KIF3C: variants seen among roughly 807,000 people sequenced by gnomAD.
KIF3C encodes kinesin-like protein KIF3C.
In KIF3C, 12 loss-of-function variants were observed where a neutral mutation model predicts 67.7. The observed-to-expected ratio is 0.18, with a 90% CI of 0.11 to 0.29. The LOEUF is 0.29. Ranked by LOEUF, KIF3C falls within the 10% of genes least tolerant of loss-of-function variation. The pLI, the probability that KIF3C is intolerant of heterozygous loss-of-function variation, is 1.00. For synonymous variants in KIF3C, 393 were observed against 426.2 expected (o/e 0.92, Z 0.96); for missense variants, 789 against 1,059.6 (o/e 0.74, Z 3.55).
intron 1 of KIF3C, among the ~76,000 whole-genome samples, chr2:25,968,143 G>T (rs1574494968): frequency 6.6e-6 from 1 of 152,162 alleles, no homozygotes; most frequent in African/African-American, 2.4e-5. Flanking sequence ...GAGACAATGG[G>T]GAGGGGATGA....
intron 5 of KIF3C, among the ~76,000 whole-genome samples, chr2:25,945,314 T>C (rs1242038750): frequency 6.6e-6 from 1 of 152,074 alleles, no homozygotes; most frequent in Non-Finnish European, 1.5e-5. Flanking sequence ...CTATAAAAGC[T>C]GCTCTACTTT....
intron 1 of KIF3C, among the ~76,000 whole-genome samples, chr2:25,962,175 T>A (rs1167153060): frequency 6.6e-6 from 1 of 152,202 alleles, no homozygotes; most frequent in African/African-American, 2.4e-5. Flanking sequence ...TTACGAAATT[T>A]GTTACTTCAA....
rs1003788477 is a variant in KIF3C at position 25,942,787 on chromosome 2, A to G, written c.2006+9002T>C. 3.9e-5 allele frequency among the ~76,000 whole-genome samples: 6 copies of G among 152,322 alleles called. No homozygotes were observed. The East Asian group carries it at 1.2e-3, about 29-fold the overall frequency. ...GGCACCTCACCTTATATTATTTTAT[A>G]TCAAATAATGGCTACATGGAGATGG... is the stretch of plus-strand genomic sequence containing the variant. On this transcript the variant is annotated intron_variant, in intron 5 of 7. Coordinates refer to ENST00000264712, the MANE Select transcript of KIF3C (RefSeq NM_002254.8).
At position 25,963,618 on chromosome 2, in the gene KIF3C, A is replaced by G. The variant is rs553245855; in HGVS notation, c.1546-7174T>C. Among the ~76,000 whole-genome samples the G allele has an allele frequency of 6.6e-5, 10 of 151,792 alleles. No individual in the cohort carries two copies. The South Asian group carries it at 1.7e-3, about 25-fold the overall frequency. ...CATTCTAATGACTTAAACTACTGCCAGCAGTAAATAATGGAACCATTTTTA... is the reference window on the plus strand; with the variant it reads ...CATTCTAATGACTTAAACTACTGCCGGCAGTAAATAATGGAACCATTTTTA... On this transcript the variant is annotated intron_variant, in intron 1 of 7. Coordinates refer to ENST00000264712, the MANE Select transcript of KIF3C (RefSeq NM_002254.8).
At chr2:25,937,794 G>A (rs529406532) in intron 5 of KIF3C, among the ~76,000 whole-genome samples, 10 of 152,148 alleles carry the variant, frequency 6.6e-5, no homozygotes, top group Admixed American at 2.0e-4. Flanking sequence ...CTCACGGCAC[G>A]CCTGTAATCC....
intron 5 of KIF3C, among the ~76,000 whole-genome samples, chr2:25,931,120 GT>G (rs2149221004): frequency 6.6e-6 from 1 of 152,184 alleles, no homozygotes; most frequent in Non-Finnish European, 1.5e-5. Flanking sequence ...CATATATAGG[GT>G]TTGGTACTAG....
chr2:25,975,729 C>T (rs561456906), intron 1 of KIF3C, among the ~76,000 whole-genome samples: 38 of 152,042 alleles, frequency 2.5e-4, no homozygotes, highest in Middle Eastern at 3.4e-3. Flanking sequence ...GAGGCTGAGG[C>T]GGGTGGATCA....
At chr2:25,949,705 C>T (rs181692061) in intron 5 of KIF3C, among the ~76,000 whole-genome samples, 110 of 152,210 alleles carry the variant, frequency 7.2e-4, no homozygotes, top group African/African-American at 2.6e-3. Context: ...TGCAGTGGCT[C>T]ATGCCTATAA....
intron 5 of KIF3C, among the ~76,000 whole-genome samples, chr2:25,946,228 C>G (rs1663429306): frequency 6.6e-6 from 1 of 152,204 alleles, no homozygotes; most frequent in South Asian, 2.1e-4. Flanking sequence ...TCACAACTTT[C>G]CCTGCTCAAG....
intron 1 of KIF3C, among the ~76,000 whole-genome samples, chr2:25,971,904 T>A (rs1171432490): frequency 6.7e-6 from 1 of 148,348 alleles, no homozygotes; most frequent in African/African-American, 2.5e-5. Flanking sequence ...TTTTTTACTT[T>A]TTTGTAGAGA....
Position 25,980,760 on chromosome 2 carries a change from C to G in KIF3C, c.1158G>C (p.Glu386Asp). 1.2e-6 allele frequency: 2 copies of G among 1,614,176 alleles called. No individual in the cohort carries two copies. Among genetic ancestry groups the G allele is most frequent in the Middle Eastern group, 3.3e-4 (2 of 6,062 alleles). ...CCAGCTGGGCCTTCAGGCGGGCAAT[C>G]TCCTCTTGGAATTCCCGCAGCAGTG... is the stretch of plus-strand genomic sequence containing the variant. ...KDTLLREFQEEIARLKAQLEK... is the reference protein window; with the variant it reads ...KDTLLREFQEDIARLKAQLEK... Residue 386 changes from glutamate to aspartate, a missense_variant, in exon 1 of 8, where the codon GAG (glutamate) becomes GAC (aspartate). Coordinates refer to ENST00000264712, the MANE Select transcript of KIF3C (RefSeq NM_002254.8). The surrounding 1 kb of genome is among the most constrained non-coding windows in gnomAD (Gnocchi z 7.6).
At chr2:25,940,341 C>T (rs1055702132) in intron 5 of KIF3C, among the ~76,000 whole-genome samples, 91 of 152,106 alleles carry the variant, frequency 6.0e-4, no homozygotes, top group African/African-American at 2.0e-3. Context: ...GAGGCTGAGG[C>T]GGGTGGATAA....
Position 25,958,662 on chromosome 2 carries a change from C to T in KIF3C, c.1546-2218G>A, listed in dbSNP as rs1025715338. ...CTACTGAATGGACCTCCATTCCTTA[C>T]AGGATGAAATCCAAGGTCAGCTGCA... On this transcript the variant is annotated intron_variant, in intron 1 of 7. Transcript: ENST00000264712. This position sits in a 1 kb window ranked among gnomAD's most constrained non-coding sequence, Gnocchi z 4.5. Among the ~76,000 whole-genome samples, 5 of 152,250 alleles carry T rather than the reference C, an allele frequency of 3.3e-5. No individual in the cohort carries two copies. Among genetic ancestry groups the T allele is most frequent in the Admixed American group, 1.3e-4 (2 of 15,290 alleles).
At chr2:25,954,172 G>A in intron 4 of KIF3C, 95 bp downstream of exon 4, 1 of 881,642 alleles carries the variant, frequency 1.1e-6, no homozygotes, top group South Asian at 1.4e-5. Context: ...ACTCATGGGA[G>A]AGGAGACAGT....
In KIF3C at chr2:25,962,894, A is replaced by G. The variant is rs1664005028; in HGVS notation, c.1546-6450T>C. 3.0e-5 allele frequency among the ~76,000 whole-genome samples: 2 copies of G among 66,288 alleles called. 1 individual carries two copies. The highest frequency in any genetic ancestry group is 6.8e-4 in the South Asian group (2 of 2,940). The allele number at this position is 66,288 out of a possible 152,430, so 43.5% of individuals were successfully genotyped here. On this transcript the variant is annotated intron_variant, in intron 1 of 7. Coordinates refer to ENST00000264712, the MANE Select transcript of KIF3C (RefSeq NM_002254.8). ...ATAATATATAAAATATATATAATAT[A>G]AAATATATATAATATATAATATATA...
intron 4 of KIF3C, among the ~76,000 whole-genome samples, chr2:25,953,515 C>A (rs1663699394): frequency 6.6e-6 from 1 of 151,224 alleles, no homozygotes; most frequent in Non-Finnish European, 1.5e-5. Flanking sequence ...CGCCCGCCAC[C>A]ACTCTCGGCT....
chr2:25,946,493 T>G (rs911665887), intron 5 of KIF3C, among the ~76,000 whole-genome samples: 3 of 151,908 alleles, frequency 2.0e-5, no homozygotes, highest in East Asian at 1.9e-4. Context: ...TTCGAGACCA[T>G]CCTGGCCAAC....
intron 1 of KIF3C, among the ~76,000 whole-genome samples, chr2:25,963,269 ACT>A (rs1274171166): frequency 8.1e-6 from 1 of 123,134 alleles, no homozygotes; most frequent in Non-Finnish European, 1.6e-5. Flanking sequence ...GCAGTGGTGC[ACT>A]CTCAGCTCAC....
At chr2:25,963,113 CATAGAT>C (rs1664041444) in intron 1 of KIF3C, among the ~76,000 whole-genome samples, 1 of 93,580 alleles carries the variant, frequency 1.1e-5, no homozygotes, top group East Asian at 3.1e-4. Context: ...TACATGTGTA[CATAGAT>C]ACATGTATAT....
Sources: gnomAD v4.1 joint callset for allele counts (sites outside exome capture counted in the v4.1 genomes callset) on GRCh38, gnomAD v4.1.1 for gene constraint, Gnocchi (gnomAD v3.1) non-coding constraint, MANE v1.5 for transcripts, NCBI Gene and HGNC (gene_info 2026-07-23, HGNC 2026-07-21) for gene names.